Variants in PKHD1 observed in about 807,000 individuals in gnomAD.
PKHD1 encodes the protein fibrocystin.
A neutral mutation model predicts 412.0 loss-of-function variants in PKHD1; 291 were observed. The ratio of observed to expected loss-of-function variants is 0.71; its 90% CI spans 0.64 to 0.78. The LOEUF (loss-of-function observed/expected upper bound fraction) is 0.78, where lower values mean the gene tolerates loss of function less well. Among genes scored for constraint, PKHD1 ranks in the 30% least tolerant of loss-of-function variants. PKHD1 has a pLI of 0.00. For missense variants in PKHD1, 4,825 were observed against 4,950.7 expected (o/e 0.97, Z 0.76); for synonymous variants, 1,777 against 1,821.5 (o/e 0.98, Z 0.62).
chr6:52,003,558 T>G (rs1223383597), intron 35 of PKHD1, among the ~76,000 whole-genome samples: 1 of 152,184 alleles, frequency 6.6e-6, no homozygotes, highest in Non-Finnish European at 1.5e-5. Flanking sequence ...TCCCCACCAA[T>G]ATTGTCCTGT....
chr6:52,063,962 C>G (rs982210837), intron 13 of PKHD1, among the ~76,000 whole-genome samples: 20 of 152,264 alleles, frequency 1.3e-4, no homozygotes, highest in Admixed American at 7.2e-4. Context: ...GGAGCAGACT[C>G]TCTATTTCCT....
chr6:51,842,996 C>A (rs1432795921), intron 50 of PKHD1, among the ~76,000 whole-genome samples: 1 of 152,222 alleles, frequency 6.6e-6, no homozygotes, highest in Non-Finnish European at 1.5e-5. Flanking sequence ...TGGAGCTGAG[C>A]GTGGGGCCAA....
chr6:51,978,042 G>A (rs1338014534), intron 35 of PKHD1, among the ~76,000 whole-genome samples: 1 of 152,304 alleles, frequency 6.6e-6, no homozygotes, highest in East Asian at 1.9e-4. Context: ...ATCCCAGCAG[G>A]AGGATCTATA....
chr6:52,006,463 G>A (rs1389454959), intron 35 of PKHD1, among the ~76,000 whole-genome samples: 4 of 151,784 alleles, frequency 2.6e-5, no homozygotes, highest in African/African-American at 9.7e-5. Context: ...TGCAACATCC[G>A]CCTCCAGGGT....
At chr6:51,909,513 T>A in intron 39 of PKHD1, 39 bp from the exon 40 acceptor site, 1 of 1,495,434 alleles carries the variant, frequency 6.7e-7, no homozygotes, top group Non-Finnish European at 9.3e-7. Flanking sequence ...CTAAAGCATG[T>A]AGAACATGCT....
At chr6:51,850,881 C>T (rs965515775) in intron 49 of PKHD1, among the ~76,000 whole-genome samples, 1 of 151,990 alleles carries the variant, frequency 6.6e-6, no homozygotes, top group Non-Finnish European at 1.5e-5. Context: ...ATTTCAATGC[C>T]CTTTATTTCT....
At chr6:51,749,352 T>C (rs956796949) in intron 57 of PKHD1, among the ~76,000 whole-genome samples, 4 of 152,180 alleles carry the variant, frequency 2.6e-5, no homozygotes, top group Admixed American at 6.6e-5. Context: ...GAGGAGAAAA[T>C]AGTGAATTAT....
chr6:52,056,905 A>G lies in PKHD1; in HGVS notation c.1587T>C (p.Asn529=), dbSNP rs62406036. 0.068 allele frequency: 109,902 copies of G among 1,612,956 alleles called. 4,200 individuals are homozygous for G. Among genetic ancestry groups the G allele is most frequent in the East Asian group, 0.12 (5,198 of 44,856 alleles). The stretch of plus-strand genomic sequence containing the variant: ...AGTCTCCCACCAGATGGGCTGTGGC[A>G]TTTGCAGGGATTGGCTGACTAGAGA... ...DNVSSQPIPA[N]ATAHLIQTTI... The change falls in exon 17 of 67, where the codon AAT becomes AAC. Residue 529 remains asparagine, a synonymous_variant. Coordinates refer to ENST00000371117, the MANE Select transcript of PKHD1 (RefSeq NM_138694.4).
chr6:51,957,394 A>G (rs1457877065), intron 36 of PKHD1, among the ~76,000 whole-genome samples: 1 of 152,114 alleles, frequency 6.6e-6, no homozygotes, highest in African/African-American at 2.4e-5. Context: ...TCTAGCTACA[A>G]AAGTGTTCAG....
chr6:52,063,369 C>T (rs539230049), intron 13 of PKHD1, among the ~76,000 whole-genome samples: 16 of 152,194 alleles, frequency 1.1e-4, no homozygotes, highest in Admixed American at 8.5e-4. Flanking sequence ...TTTTCTCATG[C>T]ATCAAAATGG....
intron 52 of PKHD1, among the ~76,000 whole-genome samples, chr6:51,812,114 C>T (rs1047191717): frequency 3.3e-5 from 5 of 152,070 alleles, no homozygotes; most frequent in African/African-American, 1.2e-4. Context: ...GATTTACATC[C>T]CGCTCGGTCC....
At chr6:52,034,291 G>T (rs1327156434) in intron 28 of PKHD1, among the ~76,000 whole-genome samples, 1 of 149,178 alleles carries the variant, frequency 6.7e-6, no homozygotes, top group African/African-American at 2.5e-5. Flanking sequence ...GATAAAAATG[G>T]TATTGTAACT....
chr6:51,826,796 G>A (rs9367460), intron 52 of PKHD1, among the ~76,000 whole-genome samples: 5 of 151,940 alleles, frequency 3.3e-5, no homozygotes, highest in Admixed American at 1.3e-4. Context: ...AAGATAGAAC[G>A]CCTTGAAGGA....
chr6:51,976,896 C>T (rs1211753358), intron 35 of PKHD1, among the ~76,000 whole-genome samples: 2 of 132,976 alleles, frequency 1.5e-5, no homozygotes, highest in Non-Finnish European at 3.1e-5. Context: ...TGCAGTGAGC[C>T]GAGATTGCAC....
At chr6:51,943,115 T>A (rs1469618789) in intron 36 of PKHD1, among the ~76,000 whole-genome samples, 1 of 151,590 alleles carries the variant, frequency 6.6e-6, no homozygotes, top group Non-Finnish European at 1.5e-5. Flanking sequence ...TACAGTCTTA[T>A]AATGGACTGG....
intron 55 of PKHD1, among the ~76,000 whole-genome samples, chr6:51,756,930 C>T (rs1218599659): frequency 6.6e-6 from 1 of 152,110 alleles, no homozygotes; most frequent in African/African-American, 2.4e-5. Flanking sequence ...ACTGTTCTAC[C>T]TCAGATCATC....
intron 43 of PKHD1, among the ~76,000 whole-genome samples, chr6:51,896,082 G>A (rs996591111): frequency 6.6e-6 from 1 of 152,196 alleles, no homozygotes; most frequent in African/African-American, 2.4e-5. Flanking sequence ...TCGGTAGCCA[G>A]GCTGGAGGAG....
chr6:52,024,183 T>A (rs2499483), intron 32 of PKHD1, among the ~76,000 whole-genome samples: 149,735 of 152,334 alleles, frequency 0.98, 73,656 homozygotes, highest in East Asian at 1. Context: ...ATGATAAAAA[T>A]TTAATCATAC....
chr6:51,644,210 A>T (rs1769773822), intron 63 of PKHD1, among the ~76,000 whole-genome samples: 1 of 152,198 alleles, frequency 6.6e-6, no homozygotes, highest in African/African-American at 2.4e-5. Context: ...CATTAAAAAA[A>T]AACTGAGATC....
Sources: gnomAD v4.1 joint callset for allele counts (sites outside exome capture counted in the v4.1 genomes callset) on GRCh38, gnomAD v4.1.1 for gene constraint, MANE v1.5 for transcripts, NCBI Gene and HGNC (gene_info 2026-07-23, HGNC 2026-07-21) for gene names.